The following CLNK variants were observed in gnomAD, a reference collection of about 807,000 sequenced individuals.
CLNK encodes the protein cytokine-dependent hematopoietic cell linker.
A neutral mutation model predicts 68.6 loss-of-function variants in CLNK; 74 were observed. That is an observed-to-expected ratio of 1.08 (90% CI 0.89 to 1.31). CLNK has a LOEUF of 1.31. CLNK is among the 50% of genes most tolerant of loss of function. CLNK has a pLI of 0.00. For synonymous variants in CLNK, 198 were observed against 172.2 expected (o/e 1.15, Z -1.17); for missense variants, 553 against 515.3 (o/e 1.07, Z -0.71).
the CLNK span, among the ~76,000 whole-genome samples, chr4:10,709,613 A>C: frequency 6.6e-6 from 1 of 152,134 alleles, no homozygotes; most frequent in Non-Finnish European, 1.5e-5. Flanking sequence ...TTCCATCTGG[A>C]GGTAAATTCC....
At chr4:10,504,984 C>T (rs1717232357) in intron 17 of CLNK, among the ~76,000 whole-genome samples, 1 of 152,182 alleles carries the variant, frequency 6.6e-6, no homozygotes, top group Non-Finnish European at 1.5e-5. Context: ...CGCCCAAATG[C>T]TGCTGGAAGA....
chr4:10,650,858 A>T (rs1410826888), intron 2 of CLNK, among the ~76,000 whole-genome samples: 1 of 152,220 alleles, frequency 6.6e-6, no homozygotes, highest in African/African-American at 2.4e-5. Context: ...TACAAGAAAA[A>T]AAAACAAACA....
intron 1 of CLNK, among the ~76,000 whole-genome samples, chr4:10,680,980 C>T (rs1242035559): frequency 6.7e-6 from 1 of 149,288 alleles, no homozygotes; most frequent in Non-Finnish European, 1.5e-5. Flanking sequence ...TGAGTGAGGA[C>T]GTCCTGATAT....
At chr4:10,714,711 T>C in the CLNK span, among the ~76,000 whole-genome samples, 223 of 150,666 alleles carry the variant, frequency 1.5e-3, 1 homozygote, top group African/African-American at 5.0e-3. Context: ...TGTGTGTGTG[T>C]GCGTGTGAGT....
intron 1 of CLNK, among the ~76,000 whole-genome samples, chr4:10,678,559 T>C (rs550776875): frequency 6.6e-6 from 1 of 152,296 alleles, no homozygotes; most frequent in African/African-American, 2.4e-5. Flanking sequence ...AATAAGAATA[T>C]GATGAAATTA....
intron 2 of CLNK, among the ~76,000 whole-genome samples, chr4:10,628,970 C>T (rs542770792): frequency 6.6e-6 from 1 of 152,252 alleles, no homozygotes; most frequent in South Asian, 2.1e-4. Flanking sequence ...CTCTGAGGAC[C>T]CAAAAGAGCT....
Position 10,650,991 on chromosome 4 carries a change from C to G in CLNK, c.11+16868G>C, listed in dbSNP as rs138160165. On this transcript the variant is annotated intron_variant, in intron 2 of 18. Transcript: ENST00000226951. ...TCCTTAGAGATATGCAAATCAAAAC[C>G]ATAATGTGATACCATCTCACATCAG... Among the ~76,000 whole-genome samples the G allele has an allele frequency of 2.7e-3, 407 of 152,198 alleles. 2 individuals carry two copies. Among genetic ancestry groups the G allele is most frequent in the African/African-American group, 9.0e-3 (372 of 41,506 alleles).
chr4:10,662,999 G>C (rs900755450), intron 2 of CLNK, among the ~76,000 whole-genome samples: 1 of 152,200 alleles, frequency 6.6e-6, no homozygotes, highest in Non-Finnish European at 1.5e-5. Flanking sequence ...TCCCAAAAGA[G>C]CCTGGGTGGC....
chr4:10,493,664 A>G lies in CLNK; in HGVS notation c.1141-3051T>C, dbSNP rs148125097. Among the ~76,000 whole-genome samples the G allele has an allele frequency of 2.1e-4, 32 of 152,172 alleles. No homozygotes were observed. The East Asian group carries it at 5.2e-3, about 25-fold the overall frequency. On this transcript the variant is annotated intron_variant, in intron 18 of 18. Coordinates refer to ENST00000226951, the MANE Select transcript of CLNK (RefSeq NM_052964.4). ...CTACACCACCACCCATATTACGTAT[A>G]CAATAAATATGAGTTTCTACCTGAT... is the stretch of plus-strand genomic sequence containing the variant.
At chr4:10,571,674 G>A (rs916249874) in intron 5 of CLNK, 67 bp downstream of exon 5, 11 of 1,277,016 alleles carry the variant, frequency 8.6e-6, no homozygotes, top group Admixed American at 7.0e-5. Flanking sequence ...CCAGTATCTT[G>A]AATCAAATTC....
rs571936396 is a variant in CLNK, at chr4:10,489,145, G to T, written c.*1322C>A. On this transcript the variant is annotated 3_prime_UTR_variant, in exon 19 of 19. Coordinates refer to ENST00000226951, the MANE Select transcript of CLNK (RefSeq NM_052964.4). ...AGAATGTACCTGGGAAGATGAGCTT[G>T]CATGGAGCCAGGCAAAGCAGATTAC... is the stretch of plus-strand genomic sequence containing the variant. 6.6e-6 allele frequency: 1 copy of T among 152,078 alleles called. No individual in the cohort carries two copies. The highest frequency in any genetic ancestry group is 2.4e-5 in the African/African-American group (1 of 41,464). The allele number at this position is 152,078 out of a possible 1,614,324, so 9.4% of individuals were successfully genotyped here.
the CLNK span, among the ~76,000 whole-genome samples, chr4:10,729,597 A>G: frequency 6.6e-6 from 1 of 152,200 alleles, no homozygotes; most frequent in East Asian, 1.9e-4. Flanking sequence ...CTATTCAGCC[A>G]TAACAAAGAA....
chr4:10,654,931 T>C (rs1723904533), intron 2 of CLNK, among the ~76,000 whole-genome samples: 1 of 151,742 alleles, frequency 6.6e-6, no homozygotes, highest in Admixed American at 6.6e-5. Context: ...GTGAAATCTG[T>C]CTCTACTAAA....
intron 2 of CLNK, among the ~76,000 whole-genome samples, chr4:10,649,349 A>C (rs1463837040): frequency 6.6e-6 from 1 of 152,218 alleles, no homozygotes; most frequent in African/African-American, 2.4e-5. Flanking sequence ...AGAGTCCAAA[A>C]TCTAAATGAA....
chr4:10,565,545 T>C (rs1475427392), intron 6 of CLNK, among the ~76,000 whole-genome samples: 1 of 152,200 alleles, frequency 6.6e-6, no homozygotes, highest in Non-Finnish European at 1.5e-5. Context: ...GCTCTTAGGC[T>C]GGCTGGCTGC....
the CLNK span, among the ~76,000 whole-genome samples, chr4:10,718,693 T>A: frequency 6.6e-6 from 1 of 151,394 alleles, no homozygotes; most frequent in Non-Finnish European, 1.5e-5. Context: ...ACAAAAAAAA[T>A]ATGTTAAGAA....
At chr4:10,731,043 C>T in the CLNK span, among the ~76,000 whole-genome samples, 1 of 152,160 alleles carries the variant, frequency 6.6e-6, no homozygotes, top group Non-Finnish European at 1.5e-5. Flanking sequence ...TTAAAATATC[C>T]AGCACTTCAA....
chr4:10,567,031 T>A (rs1720147880), intron 5 of CLNK, among the ~76,000 whole-genome samples: 1 of 151,556 alleles, frequency 6.6e-6, no homozygotes, highest in South Asian at 2.1e-4. Flanking sequence ...TAGAAATACT[T>A]TGCAAATTAA....
chr4:10,653,993 A>C (rs1015131915), intron 2 of CLNK, among the ~76,000 whole-genome samples: 1 of 144,334 alleles, frequency 6.9e-6, no homozygotes, highest in Non-Finnish European at 1.5e-5. Flanking sequence ...TCCCTCAAGG[A>C]AATACCAATT....
Sources: gnomAD v4.1 joint callset for allele counts (sites outside exome capture counted in the v4.1 genomes callset) on GRCh38, gnomAD v4.1.1 for gene constraint, MANE v1.5 for transcripts, NCBI Gene and HGNC (gene_info 2026-07-23, HGNC 2026-07-21) for gene names.